CALM2: variants seen among roughly 807,000 people sequenced by gnomAD.
CALM2 encodes the protein calmodulin 2.
In CALM2, 2 loss-of-function variants were observed where a neutral mutation model predicts 19.8. The ratio of observed to expected loss-of-function variants is 0.10; its 90% CI spans 0.04 to 0.32. The LOEUF is 0.32. Ranked by LOEUF, CALM2 falls within the 10% of genes least tolerant of loss-of-function variation. The pLI, the probability that CALM2 is intolerant of heterozygous loss-of-function variation, is 1.00. For synonymous variants in CALM2, 51 were observed against 52.1 expected, an observed-to-expected ratio of 0.98 and a Z score of 0.09; for missense variants, 38 against 178.7, an observed-to-expected ratio of 0.21 and a Z score of 4.49.
rs567253153 is a variant in CALM2 at position 47,167,273 on chromosome 2, C to T, written c.34+3461G>A. Among the ~76,000 whole-genome samples, 42 of 152,246 alleles carry T rather than the reference C, an allele frequency of 2.8e-4. No homozygotes were observed. In the South Asian group the frequency reaches 6.0e-3, roughly 22 times the overall value. Reference sequence around the variant, plus strand: ...GACTTCTTAAGGAAAAAATACTGTACATTTTTCCTATCAGTCTTCCAAAAG... The same window carrying T: ...GACTTCTTAAGGAAAAAATACTGTATATTTTTCCTATCAGTCTTCCAAAAG... On this transcript the variant is annotated intron_variant, in intron 2 of 5. Coordinates refer to ENST00000272298, the MANE Select transcript of CALM2 (RefSeq NM_001743.6).
intron 1 of CALM2, chr2:47,174,054 G>A (rs776762680): frequency 6.6e-6 from 1 of 152,142 alleles, no homozygotes; most frequent in Admixed American, 6.5e-5. Context: ...GCACTTATAA[G>A]AACAATTATT....
intron 1 of CALM2, among the ~76,000 whole-genome samples, chr2:47,175,773 G>C (rs550891768): frequency 2.0e-5 from 3 of 150,020 alleles, no homozygotes; most frequent in Non-Finnish European, 4.5e-5. Context: ...GAGCTCGAGC[G>C]GGGCCGAGCG....
intron 2 of CALM2, among the ~76,000 whole-genome samples, chr2:47,165,915 TTCC>T (rs1272518447): frequency 1.3e-5 from 2 of 152,220 alleles, no homozygotes; most frequent in Non-Finnish European, 2.9e-5. Context: ...TGCCTGATTT[TTCC>T]TCCATCTCTA....
rs1295063451 is a variant in CALM2, at chr2:47,172,549, C to T, written c.4-1785G>A. 8.7e-6 allele frequency: 9 copies of T among 1,035,618 alleles called. No individual in the cohort carries two copies. The Admixed American group carries it at 1.2e-4, about 13-fold the overall frequency. 64.2% of individuals were successfully genotyped at this position (1,035,618 alleles called of 1,614,324 possible). A position where few individuals can be genotyped will look rare whatever the true frequency, so the allele number is the denominator to read the frequency against. ...CAACCTGACTAGCTCAATTTCCACACCGAATGTAGACATGCATGGCATTTA... is the reference window on the plus strand; with the variant it reads ...CAACCTGACTAGCTCAATTTCCACATCGAATGTAGACATGCATGGCATTTA... On this transcript the variant is annotated intron_variant, in intron 1 of 5. Coordinates refer to ENST00000272298, the MANE Select transcript of CALM2 (RefSeq NM_001743.6).
chr2:47,176,317 G>A (rs566848317), intron 1 of CALM2, 124 bp downstream of exon 1: 143 of 1,209,766 alleles, frequency 1.2e-4, no homozygotes, highest in African/African-American at 1.2e-3. Context: ...CCTCTTTCGC[G>A]CCATCCCTCT....
intron 1 of CALM2, among the ~76,000 whole-genome samples, chr2:47,175,970 C>T (rs1374892179): frequency 1.3e-5 from 2 of 151,816 alleles, no homozygotes; most frequent in Non-Finnish European, 2.9e-5. Context: ...CGCGCTCCTC[C>T]CGCCCCCTGG....
intron 4 of CALM2, 85 bp downstream of exon 4, chr2:47,162,201 C>CCAAAAAAA: frequency 3.0e-5 from 4 of 131,156 alleles, no homozygotes; most frequent in Non-Finnish European, 5.3e-5. Context: ...AAAAAAAAAA[C>CCAAAAAAA]AACCAAAAAA....
intron 2 of CALM2, among the ~76,000 whole-genome samples, chr2:47,166,544 T>C (rs1484296973): frequency 6.6e-6 from 1 of 152,230 alleles, no homozygotes; most frequent in Non-Finnish European, 1.5e-5. Flanking sequence ...TACCATTTGT[T>C]ATTCATTCAA....
chr2:47,169,868 T>C (rs975484767), intron 2 of CALM2, among the ~76,000 whole-genome samples: 1 of 151,852 alleles, frequency 6.6e-6, no homozygotes, highest in Non-Finnish European at 1.5e-5. Context: ...CTGCTTACTG[T>C]GAAAACTGTG....
At chr2:47,174,518 A>G (rs1180682088) in intron 1 of CALM2, among the ~76,000 whole-genome samples, 5 of 152,126 alleles carry the variant, frequency 3.3e-5, no homozygotes, top group African/African-American at 7.2e-5. Flanking sequence ...ACAAATAATG[A>G]TATCTGTCAA....
chr2:47,176,887 C>G (rs905266801), upstream of CALM2: 1 of 985,242 alleles, frequency 1.0e-6, no homozygotes, highest in Admixed American at 6.1e-5. Flanking sequence ...GCCGCCGGGA[C>G]GCGGTGCGGC....
Position 47,176,479 on chromosome 2 carries a change from ACAACCACT to A in CALM2, c.-44_-37del. ...CTACCGGTTTCCGAGACGCGACCAC[ACAACCACT>A]CAGCTCGCTCTCTCCACTCGGACTA... On this transcript the variant is annotated 5_prime_UTR_variant, in exon 1 of 6. Transcript: ENST00000272298. 1.2e-6 allele frequency: 2 copies of A among 1,613,418 alleles called. No homozygotes were observed. Among genetic ancestry groups the A allele is most frequent in the Non-Finnish European group, 1.7e-6 (2 of 1,179,838 alleles).
chr2:47,176,914 C>A (rs759389503), upstream of CALM2: 1 of 985,416 alleles, frequency 1.0e-6, no homozygotes. Flanking sequence ...CGTTGCTGCT[C>A]GGGCCGCGCT....
upstream of CALM2, chr2:47,176,706 A>C: frequency 7.1e-7 from 1 of 1,402,106 alleles, no homozygotes; most frequent in Non-Finnish European, 9.3e-7. Flanking sequence ...CGGATGACGT[A>C]AGTGGGTTTC....
intron 4 of CALM2, 29 bp from the exon 5 acceptor site, chr2:47,161,887 G>C (rs1687168665): frequency 1.9e-6 from 3 of 1,580,836 alleles, no homozygotes; most frequent in Non-Finnish European, 2.6e-6. Flanking sequence ...TAGTTTCTGA[G>C]TCAAATTACA....
At position 47,176,481 on chromosome 2, in the gene CALM2, A is replaced by T. The variant is rs1558703723; in HGVS notation, c.-38T>A. ...ACCGGTTTCCGAGACGCGACCACAC[A>T]ACCACTCAGCTCGCTCTCTCCACTC... On this transcript the variant is annotated 5_prime_UTR_variant, in exon 1 of 6. Coordinates refer to ENST00000272298, the MANE Select transcript of CALM2 (RefSeq NM_001743.6). 6.2e-7 allele frequency: 1 copy of T among 1,613,440 alleles called. No individual in the cohort carries two copies. The highest frequency in any genetic ancestry group is 1.1e-5 in the South Asian group (1 of 90,952).
chr2:47,164,183 A>C (rs1666374008), intron 2 of CALM2, among the ~76,000 whole-genome samples: 1 of 148,826 alleles, frequency 6.7e-6, no homozygotes, highest in African/African-American at 2.5e-5. Context: ...GCTTGCAGTG[A>C]GCTGATATTG....
intron 1 of CALM2, chr2:47,171,320 CA>C (rs1666660107): frequency 1.3e-5 from 2 of 152,458 alleles, no homozygotes; most frequent in African/African-American, 4.8e-5. Flanking sequence ...TTTAAAATCC[CA>C]AAGTAAGCCC....
intron 1 of CALM2, among the ~76,000 whole-genome samples, chr2:47,174,918 T>G (rs1040261502): frequency 1.3e-5 from 2 of 151,962 alleles, no homozygotes; most frequent in African/African-American, 4.8e-5. Flanking sequence ...TTATTTAAGG[T>G]GAAATCGTCT....
Sources: gnomAD v4.1 joint callset for allele counts (sites outside exome capture counted in the v4.1 genomes callset) on GRCh38, gnomAD v4.1.1 for gene constraint, MANE v1.5 for transcripts, NCBI Gene and HGNC (gene_info 2026-07-23, HGNC 2026-07-21) for gene names.